RPA3: variants seen among roughly 807,000 people sequenced by gnomAD.
RPA3 encodes the protein replication protein A3.
Under a neutral mutation model 13.7 loss-of-function variants are expected in RPA3, and 24 were observed. That is an observed-to-expected ratio of 1.75 (90% confidence interval 1.27 to 2.46). RPA3 has a LOEUF of 2.46. Ranked by LOEUF, RPA3 falls within the 30% of genes most tolerant of loss-of-function variation. The pLI, the probability that RPA3 is intolerant of heterozygous loss-of-function variation, is 0.00. For synonymous variants in RPA3, 59 were observed against 51.2 expected (o/e 1.15, Z -0.65); for missense variants, 183 against 151.0 (o/e 1.21, Z -1.11).
At position 7,640,565 on chromosome 7, in the gene RPA3, T is replaced by G. The variant is rs574422217; in HGVS notation, c.-147A>C. The G allele has an allele frequency of 1.1e-5, 8 of 701,630 alleles. No homozygotes were observed. In the African/African-American group the frequency reaches 1.4e-4, roughly 12 times the overall value. 43.5% of individuals were successfully genotyped at this position (701,630 alleles called of 1,614,324 possible). ...CCAATTAAATGCGCGGAAACCTAAATCGCAATCGCGCTGTCTCTGAAAGGG... is the reference window on the plus strand; with the variant it reads ...CCAATTAAATGCGCGGAAACCTAAAGCGCAATCGCGCTGTCTCTGAAAGGG... On this transcript the variant is annotated 5_prime_UTR_variant, in exon 5 of 8. Transcript: ENST00000223129.
intron 4 of RPA3, among the ~76,000 whole-genome samples, chr7:7,642,530 G>T (rs2115541842): frequency 6.6e-6 from 1 of 151,974 alleles, no homozygotes; most frequent in South Asian, 2.1e-4. Flanking sequence ...TTGTTTACCT[G>T]CAGTTAGAAA....
At chr7:7,656,489 C>G (rs190429878) in intron 4 of RPA3, among the ~76,000 whole-genome samples, 165 of 152,220 alleles carry the variant, frequency 1.1e-3, no homozygotes, top group African/African-American at 3.6e-3. Flanking sequence ...ATGACAGGCC[C>G]CAGTGTGTGA....
At chr7:7,678,062 G>C (rs1020989785) in intron 4 of RPA3, among the ~76,000 whole-genome samples, 2 of 152,162 alleles carry the variant, frequency 1.3e-5, no homozygotes, top group Admixed American at 6.5e-5. Flanking sequence ...GAATGTGGAC[G>C]TCTCTTTGAT....
In RPA3 at chr7:7,636,935, A is replaced by C. The variant is rs1036387828; in HGVS notation, c.*65T>G. 4.2e-6 allele frequency: 5 copies of C among 1,184,356 alleles called. No individual in the cohort carries two copies. The highest frequency in any genetic ancestry group is 6.2e-6 in the Non-Finnish European group (5 of 804,700). The allele number at this position is 1,184,356 out of a possible 1,614,324, so 73.4% of individuals were successfully genotyped here. ...AAGCACAGAAATCTCTCCCTCAAAC[A>C]AGAAGGGCTTCCTTTAATAGACTTT... On this transcript the variant is annotated 3_prime_UTR_variant, in exon 8 of 8. Coordinates refer to ENST00000223129, the MANE Select transcript of RPA3 (RefSeq NM_002947.5).
At chr7:7,686,936 T>C (rs1213231302) in intron 3 of RPA3, among the ~76,000 whole-genome samples, 2 of 152,216 alleles carry the variant, frequency 1.3e-5, no homozygotes, top group South Asian at 2.1e-4. Flanking sequence ...ATGATGATTA[T>C]GTAGAATTCT....
At chr7:7,713,267 C>A (rs1780811767) in intron 2 of RPA3, among the ~76,000 whole-genome samples, 1 of 152,022 alleles carries the variant, frequency 6.6e-6, no homozygotes, top group South Asian at 2.1e-4. Flanking sequence ...TCACTTGAAC[C>A]CAGGAGGCGG....
At chr7:7,649,158 C>CAAAAAAA (rs34943326) in intron 4 of RPA3, among the ~76,000 whole-genome samples, 102 of 128,766 alleles carry the variant, frequency 7.9e-4, no homozygotes, top group East Asian at 1.1e-3. Context: ...GACTCCATCT[C>CAAAAAAA]AAAAAAAAAA....
intron 4 of RPA3, among the ~76,000 whole-genome samples, chr7:7,648,255 A>C (rs1402020185): frequency 2.0e-5 from 3 of 152,334 alleles, no homozygotes; most frequent in Non-Finnish European, 2.9e-5. Flanking sequence ...CGTTTGACAG[A>C]TCATGAGTGA....
intron 4 of RPA3, among the ~76,000 whole-genome samples, chr7:7,678,140 T>C (rs570171177): frequency 0.11 from 2,816 of 26,798 alleles, 88 homozygotes; most frequent in African/African-American, 0.4. Flanking sequence ...AGTTCTGTTT[T>C]TAGTTTTTTT....
intron 4 of RPA3, among the ~76,000 whole-genome samples, chr7:7,648,649 G>T (rs749295285): frequency 7.3e-5 from 11 of 150,942 alleles, no homozygotes; most frequent in Non-Finnish European, 1.6e-4. Flanking sequence ...TCAGGAGTTC[G>T]AGACAAGCCT....
intron 4 of RPA3, among the ~76,000 whole-genome samples, chr7:7,663,557 G>A (rs1339247825): frequency 6.6e-6 from 1 of 152,092 alleles, no homozygotes; most frequent in Non-Finnish European, 1.5e-5. Context: ...TAGTCTAACT[G>A]ATACTAAAGG....
At position 7,714,432 on chromosome 7, in the gene RPA3, C is replaced by G. The variant is rs116493329; in HGVS notation, c.-1028+743G>C. On this transcript the variant is annotated intron_variant, in intron 2 of 7. Transcript: ENST00000223129. ...TTAAAATATGAATTAAGAGGTTGTA[C>G]TTAAACATGAATAAAGAGGGAGTAC... is the stretch of plus-strand genomic sequence containing the variant. Among the ~76,000 whole-genome samples, 299 of 152,264 alleles carry G rather than the reference C, an allele frequency of 2.0e-3. 4 individuals are homozygous for G. The highest frequency in any genetic ancestry group is 7.0e-3 in the African/African-American group (292 of 41,538).
At chr7:7,649,158 C>CAAAAAAAAAA (rs34943326) in intron 4 of RPA3, among the ~76,000 whole-genome samples, 14 of 128,842 alleles carry the variant, frequency 1.1e-4, no homozygotes, top group Non-Finnish European at 1.3e-4. Context: ...GACTCCATCT[C>CAAAAAAAAAA]AAAAAAAAAA....
At chr7:7,659,253 C>T (rs1785416791) in intron 4 of RPA3, among the ~76,000 whole-genome samples, 6 of 152,028 alleles carry the variant, frequency 3.9e-5, no homozygotes, top group Admixed American at 3.9e-4. Context: ...TTAAAAAAGC[C>T]AGCTCCTGGA....
At chr7:7,708,028 A>G (rs142195096) in intron 2 of RPA3, among the ~76,000 whole-genome samples, 1 of 152,298 alleles carries the variant, frequency 6.6e-6, no homozygotes, top group Non-Finnish European at 1.5e-5. Flanking sequence ...AGGTACTGAA[A>G]GTAATTTGCT....
At chr7:7,649,195 A>T (rs1785167164) in intron 4 of RPA3, among the ~76,000 whole-genome samples, 1 of 150,774 alleles carries the variant, frequency 6.6e-6, no homozygotes, top group South Asian at 2.1e-4. Context: ...GAAAAGAATA[A>T]AAAAGGAAAG....
At position 7,640,391 on chromosome 7, in the gene RPA3, AC is replaced by A. The variant is rs1342709104; in HGVS notation, c.27del (p.Arg9SerfsTer9). 1.2e-6 allele frequency: 2 copies of A among 1,613,774 alleles called. No individual in the cohort carries two copies. Among genetic ancestry groups the A allele is most frequent in the East Asian group, 2.2e-5 (1 of 44,886 alleles). ...GCTAGCATGCCGGCGTTGATGCGCG[AC>A]CTGGGCAAGTCCATCATGTCCACCA... MVDMMDLP[R>X]SRINAGMLAQ... On this transcript the variant is annotated frameshift_variant, in exon 5 of 8. Coordinates refer to ENST00000223129, the MANE Select transcript of RPA3 (RefSeq NM_002947.5). LOFTEE classifies it high-confidence loss of function.
intron 4 of RPA3, among the ~76,000 whole-genome samples, chr7:7,665,440 G>A (rs7805802): frequency 0.57 from 86,449 of 151,960 alleles, 24,938 homozygotes; most frequent in East Asian, 0.8. Context: ...CACAAAGTGG[G>A]TTAAGAGATT....
Position 7,658,848 on chromosome 7 carries a change from T to A in RPA3, c.-757-17673A>T, listed in dbSNP as rs1459528908. On this transcript the variant is annotated intron_variant, in intron 4 of 7. Transcript: ENST00000223129. Reference sequence around the variant, plus strand: ...ATGAGTTAGGGAGGAGCCCCTTTTTTTCTATTGTTTGGAATAGTTTCAGAA... The same window carrying A: ...ATGAGTTAGGGAGGAGCCCCTTTTTATCTATTGTTTGGAATAGTTTCAGAA... 3.3e-5 allele frequency among the ~76,000 whole-genome samples: 5 copies of A among 152,220 alleles called. No homozygotes were observed. In the East Asian group the frequency reaches 9.6e-4, roughly 29 times the overall value.
Sources: allele counts gnomAD v4.1 joint callset (sites outside exome capture counted in the v4.1 genomes callset), GRCh38; gene constraint gnomAD v4.1.1; transcripts MANE v1.5; gene names NCBI Gene and HGNC (gene_info 2026-07-23, HGNC 2026-07-21).